MORF4L1: variants seen among roughly 807,000 people sequenced by gnomAD.
MORF4L1 encodes the protein mortality factor 4-like protein 1.
A neutral mutation model predicts 52.9 loss-of-function variants in MORF4L1; 4 were observed. The observed-to-expected ratio is 0.08, with a 90% CI of 0.04 to 0.17. The LOEUF (loss-of-function observed/expected upper bound fraction) is 0.17, where lower values mean the gene tolerates loss of function less well. Among genes scored for constraint, MORF4L1 ranks in the 10% least tolerant of loss-of-function variants. MORF4L1 has a pLI of 1.00. For synonymous variants in MORF4L1, 123 were observed against 134.8 expected, an observed-to-expected ratio of 0.91 and a Z score of 0.61; for missense variants, 214 against 390.4, an observed-to-expected ratio of 0.55 and a Z score of 3.81.
rs534400241 is a variant in MORF4L1, at chr15:78,873,568, G to A, written c.40+511G>A. ...CGGATGGGGGTGGGTTTGGCGCCACGGGGCGGGAGAAGTGCGTTGTAAAAT... is the reference window on the plus strand; with the variant it reads ...CGGATGGGGGTGGGTTTGGCGCCACAGGGCGGGAGAAGTGCGTTGTAAAAT... On this transcript the variant is annotated intron_variant, in intron 1 of 11. Coordinates refer to ENST00000426013, the MANE Select transcript of MORF4L1 (RefSeq NM_006791.4). 1.3e-3 allele frequency among the ~76,000 whole-genome samples: 205 copies of A among 152,264 alleles called. 2 individuals are homozygous for A. The highest frequency in any genetic ancestry group is 4.7e-3 in the African/African-American group (194 of 41,560).
At chr15:78,895,659 G>C (rs1306135690) in intron 11 of MORF4L1, among the ~76,000 whole-genome samples, 2 of 152,172 alleles carry the variant, frequency 1.3e-5, no homozygotes, top group Non-Finnish European at 2.9e-5. Context: ...ATTGTTACTT[G>C]TAGAGAAACA....
At chr15:78,886,318 C>G in intron 4 of MORF4L1, 91 bp downstream of exon 4, 1 of 1,135,672 alleles carries the variant, frequency 8.8e-7, no homozygotes, top group Non-Finnish European at 1.3e-6. Context: ...TGTTGGCTGC[C>G]CTGCCTATAA....
At chr15:78,892,075 T>G (rs2056810721) in intron 7 of MORF4L1, 137 bp from the exon 8 acceptor site, 1 of 544,116 alleles carries the variant, frequency 1.8e-6, no homozygotes, top group Non-Finnish European at 3.3e-6. Flanking sequence ...TATTAATGAT[T>G]TTAAAAAATG....
intron 10 of MORF4L1, 173 bp from the exon 11 acceptor site, chr15:78,894,647 G>A (rs1355930957): frequency 5.2e-6 from 3 of 575,162 alleles, no homozygotes; most frequent in African/African-American, 3.8e-5. Flanking sequence ...GACCTCAAGC[G>A]ATCGCCTATC....
intron 11 of MORF4L1, 131 bp downstream of exon 11, chr15:78,895,035 AAAGT>A: frequency 1.4e-6 from 1 of 713,350 alleles, no homozygotes; most frequent in Admixed American, 2.3e-5. Context: ...TGGAGCAGTA[AAAGT>A]AAGTGCAAAC....
At position 78,897,184 on chromosome 15, in the gene MORF4L1, TTC is replaced by T; in HGVS notation, c.*119_*120del. 1 of 755,588 alleles carries T rather than the reference TTC, an allele frequency of 1.3e-6. No individual in the cohort carries two copies. Among genetic ancestry groups the T allele is most frequent in the Non-Finnish European group, 2.1e-6 (1 of 465,788 alleles). The allele number at this position is 755,588 out of a possible 1,614,324, so 46.8% of individuals were successfully genotyped here. ...TAGTGTATAACAATTGATGTTTGTT[TTC>T]TGTTTGATTTTAAACAGAGAAAAAA... On this transcript the variant is annotated 3_prime_UTR_variant, in exon 12 of 12. Coordinates refer to ENST00000426013, the MANE Select transcript of MORF4L1 (RefSeq NM_006791.4).
intron 3 of MORF4L1, among the ~76,000 whole-genome samples, chr15:78,883,820 C>T (rs982943373): frequency 2.0e-5 from 3 of 152,126 alleles, no homozygotes; most frequent in African/African-American, 7.2e-5. Context: ...AGGAGTTATT[C>T]AGATACCTAG....
intron 11 of MORF4L1, among the ~76,000 whole-genome samples, chr15:78,896,491 GT>G (rs2056892395): frequency 6.6e-6 from 1 of 151,588 alleles, no homozygotes; most frequent in Admixed American, 6.6e-5. Flanking sequence ...TGTGTCTTTA[GT>G]AGAGACGGGT....
intron 6 of MORF4L1, 105 bp from the exon 7 acceptor site, chr15:78,891,379 G>A (rs911113193): frequency 2.7e-5 from 23 of 848,930 alleles, no homozygotes; most frequent in Non-Finnish European, 4.2e-5. Flanking sequence ...GGTAACAGCT[G>A]TGTAATGGAG....
chr15:78,893,482 A>G (rs2056834538), intron 8 of MORF4L1, 57 bp from the exon 9 acceptor site: 3 of 1,183,982 alleles, frequency 2.5e-6, no homozygotes, highest in South Asian at 2.5e-5. Flanking sequence ...CTTGCCTGGT[A>G]TGATTTTTCT....
At chr15:78,881,200 T>TTTTTTTTTTTTTG (rs2141463933) in intron 3 of MORF4L1, among the ~76,000 whole-genome samples, 1 of 139,748 alleles carries the variant, frequency 7.2e-6, no homozygotes, top group African/African-American at 2.7e-5. Context: ...TTTTTTTTTT[T>TTTTTTTTTTTTTG]TTTTTTTTGA....
chr15:78,882,154 A>C (rs866378451), intron 3 of MORF4L1, among the ~76,000 whole-genome samples: 6 of 152,264 alleles, frequency 3.9e-5, no homozygotes, highest in Non-Finnish European at 7.4e-5. Context: ...CCAGTTAATG[A>C]TAATTAAAGT....
chr15:78,887,759 C>T (rs1484141797), intron 5 of MORF4L1, among the ~76,000 whole-genome samples: 1 of 152,186 alleles, frequency 6.6e-6, no homozygotes, highest in Admixed American at 6.5e-5. Flanking sequence ...AACTGCCCTC[C>T]TCATCCCCAC....
chr15:78,883,689 T>C (rs1476852950), intron 3 of MORF4L1, among the ~76,000 whole-genome samples: 1 of 152,224 alleles, frequency 6.6e-6, no homozygotes, highest in Non-Finnish European at 1.5e-5. Flanking sequence ...TTGAGGAATA[T>C]TAATATATCA....
chr15:78,878,169 A>G (rs2141590332), intron 1 of MORF4L1, 44 bp from the exon 2 acceptor site: 5 of 1,568,914 alleles, frequency 3.2e-6, no homozygotes, highest in Middle Eastern at 1.8e-4. Context: ...ATCTTTTTAT[A>G]TATGAGAAGA....
At chr15:78,885,351 GA>G (rs908080275) in intron 3 of MORF4L1, among the ~76,000 whole-genome samples, 2 of 152,088 alleles carry the variant, frequency 1.3e-5, no homozygotes, top group African/African-American at 2.4e-5. Context: ...CATTTTGGGG[GA>G]AAAAACACAT....
chr15:78,884,599 A>G (rs1156849837), intron 3 of MORF4L1, among the ~76,000 whole-genome samples: 1 of 146,942 alleles, frequency 6.8e-6, no homozygotes, highest in Non-Finnish European at 1.5e-5. Flanking sequence ...AGATCACGCC[A>G]TTGCACTCCA....
intron 9 of MORF4L1, 76 bp from the exon 10 acceptor site, chr15:78,893,982 T>G (rs1330240879): frequency 7.2e-7 from 1 of 1,390,880 alleles, no homozygotes; most frequent in African/African-American, 1.5e-5. Flanking sequence ...CTTTTAATTC[T>G]TTAAATTGGT....
Position 78,872,974 on chromosome 15 carries a change from G to A in MORF4L1, c.-44G>A, listed in dbSNP as rs1421411308. 6.5e-7 allele frequency: 1 copy of A among 1,546,754 alleles called. No homozygotes were observed. The highest frequency in any genetic ancestry group is 2.5e-5 in the East Asian group (1 of 40,770). On this transcript the variant is annotated 5_prime_UTR_variant, in exon 1 of 12. Transcript: ENST00000426013. ...GTGGGGTAGAGAGTAGGGGGCGGTA[G>A]TCGGGGGTGGTGGGAGAAGGAGGAG...
Sources: gnomAD v4.1 joint callset for allele counts (sites outside exome capture counted in the v4.1 genomes callset) on GRCh38, gnomAD v4.1.1 for gene constraint, MANE v1.5 for transcripts, NCBI Gene and HGNC (gene_info 2026-07-23, HGNC 2026-07-21) for gene names.